The following IQGAP2 variants were observed in gnomAD, a reference collection of about 807,000 sequenced individuals.
IQGAP2 encodes IQ motif containing GTPase activating protein 2, also known as ras GTPase-activating-like protein IQGAP2.
In IQGAP2, 173 loss-of-function variants were observed where a neutral mutation model predicts 201.3. The observed-to-expected ratio is 0.86, with a 90% CI of 0.76 to 0.98. IQGAP2 has a LOEUF of 0.98. Ranked by LOEUF, IQGAP2 falls within the 50% of genes least tolerant of loss-of-function variation. The pLI is 0.00. For synonymous variants in IQGAP2, 675 were observed against 673.9 expected (o/e 1.00, Z -0.03); for missense variants, 1,687 against 1,864.8 (o/e 0.90, Z 1.76).
Position 76,637,021 on chromosome 5 carries a change from C to A in IQGAP2, c.1781-13C>A. On this transcript the variant is annotated splice_polypyrimidine_tract_variant and intron_variant, in intron 15 of 35. Transcript: ENST00000274364. ...CTGTGTCTGTGTAGAATTTAACAAACTTTTTTCTTTAGTGTCTAGTGACGG... is the reference window on the plus strand; with the variant it reads ...CTGTGTCTGTGTAGAATTTAACAAAATTTTTTCTTTAGTGTCTAGTGACGG... 2 of 1,584,560 alleles carry A rather than the reference C, an allele frequency of 1.3e-6. No individual in the cohort carries two copies. Among genetic ancestry groups the A allele is most frequent in the Non-Finnish European group, 8.6e-7 (1 of 1,167,266 alleles).
At chr5:76,537,764 T>C (rs1359427156) in intron 2 of IQGAP2, among the ~76,000 whole-genome samples, 1 of 152,198 alleles carries the variant, frequency 6.6e-6, no homozygotes, top group African/African-American at 2.4e-5. Context: ...ATCTTTGATC[T>C]TCTATCAACA....
In IQGAP2 at chr5:76,511,841, C is replaced by T. The variant is rs568722075; in HGVS notation, c.146+50172C>T. Among the ~76,000 whole-genome samples, 43 of 152,016 alleles carry T rather than the reference C, an allele frequency of 2.8e-4. 1 individual carries two copies. Among genetic ancestry groups the T allele is most frequent in the African/African-American group, 8.0e-4 (33 of 41,464 alleles). On this transcript the variant is annotated intron_variant, in intron 2 of 35. Coordinates refer to ENST00000274364, the MANE Select transcript of IQGAP2 (RefSeq NM_006633.5). The stretch of plus-strand genomic sequence containing the variant: ...GACTACAGGCGCCCGCCACTACGCC[C>T]GGCTAATTTTTTGTATTTTTAGTAG...
At chr5:76,681,130 A>G (rs1277174974) in intron 28 of IQGAP2, among the ~76,000 whole-genome samples, 1 of 150,998 alleles carries the variant, frequency 6.6e-6, no homozygotes, top group Non-Finnish European at 1.5e-5. Context: ...GAGAAAACCA[A>G]CAGAATGAAA....
chr5:76,688,368 C>T (rs771100157), intron 30 of IQGAP2, among the ~76,000 whole-genome samples: 2 of 152,126 alleles, frequency 1.3e-5, no homozygotes, highest in Non-Finnish European at 2.9e-5. Context: ...CATGGAGGCC[C>T]CCACAGTAGC....
intron 14 of IQGAP2, among the ~76,000 whole-genome samples, chr5:76,628,017 T>C (rs10077302): frequency 0.18 from 27,871 of 152,182 alleles, 3,031 homozygotes; most frequent in Non-Finnish European, 0.26. Flanking sequence ...ATCATAAAAA[T>C]AGTCATGGAC....
chr5:76,404,159 C>T (rs1331159108), intron 1 of IQGAP2, among the ~76,000 whole-genome samples: 1 of 152,048 alleles, frequency 6.6e-6, no homozygotes, highest in Non-Finnish European at 1.5e-5. Flanking sequence ...AGTCCCTCCC[C>T]TCTGAAACCC....
At chr5:76,676,307 T>C (rs907105003) in intron 27 of IQGAP2, among the ~76,000 whole-genome samples, 3 of 152,258 alleles carry the variant, frequency 2.0e-5, no homozygotes, top group African/African-American at 7.2e-5. Context: ...TACAAAAAAT[T>C]ATAACCAAAG....
chr5:76,517,435 C>T (rs1758397961), intron 2 of IQGAP2, among the ~76,000 whole-genome samples: 1 of 151,994 alleles, frequency 6.6e-6, no homozygotes. Context: ...CCTGGTTTTA[C>T]ATTCTAATGT....
chr5:76,592,387 T>G (rs751707532), intron 8 of IQGAP2, among the ~76,000 whole-genome samples: 1 of 152,250 alleles, frequency 6.6e-6, no homozygotes, highest in Non-Finnish European at 1.5e-5. Context: ...CCTCATTGAT[T>G]ATGATCTCTT....
chr5:76,443,708 A>G (rs1386344163), intron 1 of IQGAP2, among the ~76,000 whole-genome samples: 1 of 152,088 alleles, frequency 6.6e-6, no homozygotes, highest in Non-Finnish European at 1.5e-5. Flanking sequence ...TAAATTAACA[A>G]TGGCAGCTGC....
chr5:76,610,323 C>A (rs1035431269), intron 12 of IQGAP2, among the ~76,000 whole-genome samples: 1 of 150,172 alleles, frequency 6.7e-6, no homozygotes, highest in Non-Finnish European at 1.5e-5. Flanking sequence ...AAAATAAACA[C>A]ATGAAAAGAT....
At position 76,652,794 on chromosome 5, in the gene IQGAP2, G is replaced by A. The variant is rs1752620795; in HGVS notation, c.2139G>A (p.Arg713=). 3 of 1,611,432 alleles carry A rather than the reference G, an allele frequency of 1.9e-6. No homozygotes were observed. Among genetic ancestry groups the A allele is most frequent in the East Asian group, 4.5e-5 (2 of 44,890 alleles). The part of the protein sequence containing the change: ...GYKQRKEYMH[R]RQTFIDNTDS... ...AACAACGGAAGGAGTATATGCACAG[G>A]CGGCAAACGTTCATTGATAATACTG... The change falls in exon 18 of 36, where the codon AGG becomes AGA. Residue 713 remains arginine (R), a synonymous_variant. Coordinates refer to ENST00000274364, the MANE Select transcript of IQGAP2 (RefSeq NM_006633.5).
At chr5:76,522,966 C>T (rs1758776932) in intron 2 of IQGAP2, among the ~76,000 whole-genome samples, 1 of 152,066 alleles carries the variant, frequency 6.6e-6, no homozygotes, top group African/African-American at 2.4e-5. Context: ...TACCACCATC[C>T]ATCCCCATTA....
At chr5:76,433,102 C>G (rs1752466712) in intron 1 of IQGAP2, among the ~76,000 whole-genome samples, 1 of 152,122 alleles carries the variant, frequency 6.6e-6, no homozygotes, top group Admixed American at 6.5e-5. Context: ...TTGTGGGGTA[C>G]CTGGGAGGTA....
At position 76,652,608 on chromosome 5, in the gene IQGAP2, G is replaced by C; in HGVS notation, c.2095-142G>C. On this transcript the variant is annotated intron_variant, in intron 17 of 35. Coordinates refer to ENST00000274364, the MANE Select transcript of IQGAP2 (RefSeq NM_006633.5). ...GTGTTTAACTGGCTACCCCCAGAGA[G>C]GGTGTCCAGATGAGATCTGAAGGGA... 3 of 702,422 alleles carry C rather than the reference G, an allele frequency of 4.3e-6. No homozygotes were observed. The South Asian group carries it at 4.6e-5, about 11-fold the overall frequency. 43.5% of individuals were successfully genotyped at this position (702,422 alleles called of 1,614,324 possible).
At chr5:76,657,312 C>A (rs771933474) in intron 20 of IQGAP2, among the ~76,000 whole-genome samples, 7 of 152,206 alleles carry the variant, frequency 4.6e-5, no homozygotes, top group Non-Finnish European at 8.8e-5. Flanking sequence ...CTAAGGCCTT[C>A]CCTGAAGTGG....
chr5:76,666,993 A>G (rs1207358654), intron 22 of IQGAP2, among the ~76,000 whole-genome samples: 1 of 152,146 alleles, frequency 6.6e-6, no homozygotes, highest in Non-Finnish European at 1.5e-5. Context: ...TGATCCACCC[A>G]TCTCAGCCTC....
chr5:76,633,341 A>G (rs1202740317), intron 15 of IQGAP2, among the ~76,000 whole-genome samples: 1 of 152,206 alleles, frequency 6.6e-6, no homozygotes, highest in East Asian at 1.9e-4. Context: ...ATCCATGTAC[A>G]TGGGTATCTT....
intron 2 of IQGAP2, among the ~76,000 whole-genome samples, chr5:76,502,626 AT>A (rs1318570616): frequency 6.6e-6 from 1 of 152,222 alleles, no homozygotes; most frequent in African/African-American, 2.4e-5. Context: ...ATTAAAATAG[AT>A]TTTTTTAAAA....
Sources: allele counts gnomAD v4.1 joint callset (sites outside exome capture counted in the v4.1 genomes callset), GRCh38; gene constraint gnomAD v4.1.1; transcripts MANE v1.5; gene names NCBI Gene and HGNC (gene_info 2026-07-23, HGNC 2026-07-21).